SPECC1: variants seen among roughly 807,000 people sequenced by gnomAD.
SPECC1 encodes sperm antigen with calponin homology and coiled-coil domains 1, also known as cytospin-B.
A neutral mutation model predicts 104.1 loss-of-function variants in SPECC1; 62 were observed. The observed-to-expected ratio is 0.60, with a 90% confidence interval of 0.49 to 0.74. SPECC1 has a LOEUF of 0.74. Ranked by LOEUF, SPECC1 falls within the 30% of genes least tolerant of loss-of-function variation. SPECC1 has a pLI of 0.00. For synonymous variants in SPECC1, 513 were observed against 501.6 expected, an observed-to-expected ratio of 1.02 and a Z score of -0.30; for missense variants, 1,306 against 1,310.5, an observed-to-expected ratio of 1.00 and a Z score of 0.05.
In SPECC1 at chr17:20,014,178, T is replaced by A. The variant is rs1487680044; in HGVS notation, c.-22+4754T>A. Among the ~76,000 whole-genome samples, 4 of 152,222 alleles carry A rather than the reference T, an allele frequency of 2.6e-5. No homozygotes were observed. The East Asian group carries it at 7.7e-4, about 29-fold the overall frequency. On this transcript the variant is annotated intron_variant, in intron 1 of 14. Coordinates refer to ENST00000395527, the MANE Select transcript of SPECC1 (RefSeq NM_001243439.2). ...TTCTGGTGGATACTGTGGTTTTAAT[T>A]TGGATTTTCCTGATGATAAATGAAT...
At chr17:20,229,113 C>G (rs1598036430) in intron 5 of SPECC1, among the ~76,000 whole-genome samples, 1 of 152,196 alleles carries the variant, frequency 6.6e-6, no homozygotes, top group Non-Finnish European at 1.5e-5. Flanking sequence ...CAACTCGGGT[C>G]AGACAGAGAC....
intron 3 of SPECC1, chr17:20,156,040 C>G (rs2032456585): frequency 4.7e-6 from 6 of 1,277,094 alleles, no homozygotes; most frequent in South Asian, 2.5e-5. Flanking sequence ...GCGGCTCCGC[C>G]GGCAGCTGCT....
At chr17:20,252,153 T>TAAG (rs1357406896) in intron 9 of SPECC1, among the ~76,000 whole-genome samples, 1 of 152,198 alleles carries the variant, frequency 6.6e-6, no homozygotes, top group African/African-American at 2.4e-5. Context: ...TCTGAAATGC[T>TAAG]TTTTTAAATG....
intron 3 of SPECC1, among the ~76,000 whole-genome samples, chr17:20,114,934 A>G (rs1567853800): frequency 6.6e-6 from 1 of 152,210 alleles, no homozygotes; most frequent in Non-Finnish European, 1.5e-5. Context: ...CATAATCAAC[A>G]TTTGCCTAAA....
intron 3 of SPECC1, among the ~76,000 whole-genome samples, chr17:20,180,723 T>C (rs1239573345): frequency 6.6e-6 from 1 of 152,194 alleles, no homozygotes; most frequent in East Asian, 1.9e-4. Context: ...CCAAACAAAA[T>C]ATATTTGTAG....
At chr17:20,157,594 CCT>C (rs1346718055) in intron 3 of SPECC1, among the ~76,000 whole-genome samples, 5 of 151,942 alleles carry the variant, frequency 3.3e-5, no homozygotes, top group African/African-American at 4.8e-5. Flanking sequence ...TGTGAAAACC[CCT>C]GTGTATTATT....
chr17:20,186,795 G>A (rs928200158), intron 3 of SPECC1, among the ~76,000 whole-genome samples: 1 of 152,106 alleles, frequency 6.6e-6, no homozygotes, highest in Non-Finnish European at 1.5e-5. Context: ...TCAAACTCCT[G>A]GGCTCAAGCA....
At chr17:20,157,828 C>A (rs1230588585) in intron 3 of SPECC1, among the ~76,000 whole-genome samples, 3 of 152,200 alleles carry the variant, frequency 2.0e-5, no homozygotes, top group Admixed American at 1.3e-4. Context: ...ATGAAGATAC[C>A]GGATTTAGGG....
intron 9 of SPECC1, among the ~76,000 whole-genome samples, chr17:20,249,878 G>A (rs2039557872): frequency 6.6e-6 from 1 of 152,148 alleles, no homozygotes. Context: ...AAGAGCAGAA[G>A]TGATATTGGA....
At chr17:20,217,856 A>G (rs925069880) in intron 4 of SPECC1, among the ~76,000 whole-genome samples, 8 of 152,032 alleles carry the variant, frequency 5.3e-5, no homozygotes, top group African/African-American at 1.9e-4. Context: ...TGGGCAACAT[A>G]GCAAGACCCC....
intron 1 of SPECC1, among the ~76,000 whole-genome samples, chr17:20,082,114 G>A (rs888424): frequency 0.37 from 56,719 of 152,000 alleles, 11,100 homozygotes; most frequent in Middle Eastern, 0.52. Context: ...AACTTCCACC[G>A]TGCTCGCGCG....
intron 3 of SPECC1, among the ~76,000 whole-genome samples, chr17:20,203,549 G>A (rs1307895681): frequency 1.3e-5 from 2 of 152,206 alleles, no homozygotes; most frequent in South Asian, 2.1e-4. Context: ...GTACACAAAT[G>A]AGTACATCAT....
chr17:20,167,285 T>G (rs889714840), intron 3 of SPECC1, among the ~76,000 whole-genome samples: 10 of 151,466 alleles, frequency 6.6e-5, no homozygotes, highest in African/African-American at 2.4e-4. Context: ...TAGAAAATCT[T>G]GATGAAATTA....
At chr17:20,111,319 C>A (rs1469741734) in intron 3 of SPECC1, among the ~76,000 whole-genome samples, 1 of 151,976 alleles carries the variant, frequency 6.6e-6, no homozygotes, top group East Asian at 1.9e-4. Context: ...GTGCTCTTTT[C>A]GTAAAAGTCA....
intron 1 of SPECC1, among the ~76,000 whole-genome samples, chr17:20,072,236 T>G (rs1309721761): frequency 6.6e-6 from 1 of 152,362 alleles, no homozygotes; most frequent in African/African-American, 2.4e-5. Flanking sequence ...CCATTCCTGA[T>G]GACATCATTG....
Position 20,257,485 on chromosome 17 carries a change from A to G in SPECC1, c.2715A>G (p.Pro905=), listed in dbSNP as rs2151584581. 6.2e-7 allele frequency: 1 copy of G among 1,601,968 alleles called. No homozygotes were observed. Residue 905 remains proline (P), a synonymous_variant, in exon 11 of 15, where the codon CCA becomes CCG. Transcript: ENST00000395527. ...ILKGRTETLK[P]DPHLRKSPSL... Reference sequence around the variant, plus strand: ...AGGGAAGGACTGAGACCCTGAAGCCAGACCCCCACCTCCGCAAGAGTCCCT... The same window carrying G: ...AGGGAAGGACTGAGACCCTGAAGCCGGACCCCCACCTCCGCAAGAGTCCCT...
intron 4 of SPECC1, among the ~76,000 whole-genome samples, chr17:20,208,119 A>G (rs774597343): frequency 7.9e-5 from 12 of 152,272 alleles, no homozygotes; most frequent in Non-Finnish European, 1.2e-4. Context: ...AGTGCAAGGC[A>G]CAACATATAT....
intron 12 of SPECC1, among the ~76,000 whole-genome samples, chr17:20,282,674 C>T (rs1274130717): frequency 2.0e-5 from 3 of 152,140 alleles, no homozygotes; most frequent in Non-Finnish European, 2.9e-5. Context: ...CCCCTTCACA[C>T]GTCATTCTGC....
At chr17:20,274,418 T>C (rs1345512128) in intron 12 of SPECC1, among the ~76,000 whole-genome samples, 3 of 152,202 alleles carry the variant, frequency 2.0e-5, no homozygotes. Flanking sequence ...TTTAATGCCC[T>C]GGCATTTTTC....
Sources: gnomAD v4.1 joint callset for allele counts (sites outside exome capture counted in the v4.1 genomes callset) on GRCh38, gnomAD v4.1.1 for gene constraint, MANE v1.5 for transcripts, NCBI Gene and HGNC (gene_info 2026-07-23, HGNC 2026-07-21) for gene names.